KLHL29: variants seen among roughly 807,000 people sequenced by gnomAD.
KLHL29 encodes the protein kelch like family member 29.
KLHL29 carries 21 observed loss-of-function variants against 80.4 expected under a neutral mutation model. The ratio of observed to expected loss-of-function variants is 0.26; its 90% CI spans 0.19 to 0.38. The LOEUF is 0.38. Ranked by LOEUF, KLHL29 falls within the 10% of genes least tolerant of loss-of-function variation. The pLI is 1.00. For synonymous variants in KLHL29, 511 were observed against 526.8 expected (o/e 0.97, Z 0.41); for missense variants, 867 against 1,223.9 (o/e 0.71, Z 4.35).
At chr2:23,657,071 T>C (rs996841019) in intron 5 of KLHL29, among the ~76,000 whole-genome samples, 4 of 152,186 alleles carry the variant, frequency 2.6e-5, no homozygotes, top group Non-Finnish European at 4.4e-5. Flanking sequence ...AAATGGGGGT[T>C]TGGGGAGTAG....
At chr2:23,683,710 C>T (rs1572493290) in intron 5 of KLHL29, among the ~76,000 whole-genome samples, 1 of 152,184 alleles carries the variant, frequency 6.6e-6, no homozygotes, top group Non-Finnish European at 1.5e-5. Context: ...ATGTCAAAGC[C>T]CCAGGAGAGG....
chr2:23,686,664 G>C (rs1472953378), intron 6 of KLHL29, among the ~76,000 whole-genome samples: 2 of 152,160 alleles, frequency 1.3e-5, no homozygotes, highest in Non-Finnish European at 2.9e-5. Context: ...CTGGGGAGAT[G>C]AGCAGTTGAC....
At chr2:23,659,164 G>A (rs1338492368) in intron 5 of KLHL29, among the ~76,000 whole-genome samples, 4 of 152,136 alleles carry the variant, frequency 2.6e-5, no homozygotes, top group East Asian at 1.9e-4. Flanking sequence ...TTGTCATAAC[G>A]AAGGAAACCT....
intron 5 of KLHL29, among the ~76,000 whole-genome samples, chr2:23,673,178 C>T (rs924012061): frequency 2.0e-5 from 3 of 151,994 alleles, no homozygotes; most frequent in South Asian, 2.1e-4. Context: ...CACAGACACG[C>T]ACCCATGCCA....
At chr2:23,631,560 C>T (rs1051580004) in intron 3 of KLHL29, among the ~76,000 whole-genome samples, 1 of 152,190 alleles carries the variant, frequency 6.6e-6, no homozygotes, top group African/African-American at 2.4e-5. Flanking sequence ...GGGTGCAGGC[C>T]TGGGGCCAGG....
chr2:23,533,641 G>A (rs1057132397), intron 2 of KLHL29, among the ~76,000 whole-genome samples: 11 of 152,144 alleles, frequency 7.2e-5, no homozygotes, highest in African/African-American at 2.7e-4. Context: ...GCGGCGTTTG[G>A]GCTGGGTGAT....
chr2:23,691,069 T>G (rs1391995615), intron 6 of KLHL29: 4 of 154,002 alleles, frequency 2.6e-5, no homozygotes, highest in African/African-American at 9.6e-5. Flanking sequence ...TCCGTCTATC[T>G]CGTCTTGTCC....
At chr2:23,526,282 G>C (rs527435230) in intron 2 of KLHL29, among the ~76,000 whole-genome samples, 28 of 112,448 alleles carry the variant, frequency 2.5e-4, no homozygotes, top group African/African-American at 7.2e-4. Context: ...CGGAGGAAGC[G>C]TCACAGGGGA....
intron 2 of KLHL29, among the ~76,000 whole-genome samples, chr2:23,536,918 ACT>A (rs1553336407): frequency 1.4e-5 from 2 of 140,734 alleles, no homozygotes; most frequent in South Asian, 2.3e-4. Context: ...ACACACACAC[ACT>A]CTCTCTCTCC....
intron 1 of KLHL29, among the ~76,000 whole-genome samples, chr2:23,387,593 A>G (rs1052459383): frequency 1.3e-5 from 2 of 151,908 alleles, no homozygotes; most frequent in Admixed American, 6.6e-5. Flanking sequence ...AGGGAGGAGA[A>G]TGAACAATTT....
At position 23,681,074 on chromosome 2, in the gene KLHL29, C is replaced by A. The variant is rs1395254871; in HGVS notation, c.941-3325C>A. Among the ~76,000 whole-genome samples the A allele has an allele frequency of 6.6e-6, 1 of 152,224 alleles. No homozygotes were observed. The highest frequency in any genetic ancestry group is 1.9e-4 in the East Asian group (1 of 5,186). ...GAGGGCAGCCTGTGCCCAGCGGGTC[C>A]TGGTGTCCCCTTGTGGATTCTGGGT... On this transcript the variant is annotated intron_variant, in intron 5 of 13. Transcript: ENST00000486442. The surrounding 1 kb of genome is among the most constrained non-coding windows in gnomAD (Gnocchi z 4.2).
chr2:23,661,421 G>A (rs1052819748), intron 5 of KLHL29, among the ~76,000 whole-genome samples: 11 of 151,424 alleles, frequency 7.3e-5, no homozygotes, highest in Admixed American at 3.9e-4. Flanking sequence ...CTGACAAGGC[G>A]CCAGCTGTAT....
intron 5 of KLHL29, among the ~76,000 whole-genome samples, chr2:23,650,063 G>A (rs1037978942): frequency 9.2e-5 from 14 of 152,242 alleles, no homozygotes; most frequent in Non-Finnish European, 5.9e-5. Context: ...AACAGGCAGG[G>A]TGCCAACTGC....
intron 6 of KLHL29, among the ~76,000 whole-genome samples, chr2:23,686,534 G>A (rs1303721379): frequency 6.6e-6 from 1 of 152,158 alleles, no homozygotes; most frequent in Non-Finnish European, 1.5e-5. Context: ...AGGATGGGCA[G>A]GACCAGGACG....
chr2:23,567,388 G>T (rs1667613029), intron 3 of KLHL29, among the ~76,000 whole-genome samples: 1 of 152,196 alleles, frequency 6.6e-6, no homozygotes, highest in South Asian at 2.1e-4. Flanking sequence ...AAATCTAGCT[G>T]GGAAGCAGAG....
At chr2:23,584,644 C>A (rs1044008995) in intron 3 of KLHL29, among the ~76,000 whole-genome samples, 1 of 152,126 alleles carries the variant, frequency 6.6e-6, no homozygotes, top group Non-Finnish European at 1.5e-5. Context: ...GAGGCTGGGG[C>A]GGAGGGGGGC....
intron 2 of KLHL29, among the ~76,000 whole-genome samples, chr2:23,553,507 G>A (rs1358896487): frequency 6.6e-6 from 1 of 152,158 alleles, no homozygotes; most frequent in Non-Finnish European, 1.5e-5. Flanking sequence ...CCTACACGTG[G>A]CCCCTGCAAA....
At chr2:23,690,228 G>A (rs981391901) in intron 6 of KLHL29, 9 of 152,258 alleles carry the variant, frequency 5.9e-5, no homozygotes, top group Admixed American at 3.3e-4. Context: ...GAGTCTCGTG[G>A]GAAGGGCATT....
Position 23,653,851 on chromosome 2 carries a change from G to A in KLHL29, c.940+11001G>A, listed in dbSNP as rs1403343002. ...TGTGGTGACAGTGGTTTTCAAAAAC[G>A]ACTCTTATATCCTGGTTAAATTGCC... On this transcript the variant is annotated intron_variant, in intron 5 of 13. Coordinates refer to ENST00000486442, the MANE Select transcript of KLHL29 (RefSeq NM_052920.2). Among the ~76,000 whole-genome samples the A allele has an allele frequency of 2.6e-5, 4 of 152,084 alleles. No individual in the cohort carries two copies. In the South Asian group the frequency reaches 6.2e-4, roughly 24 times the overall value.
Sources: allele counts gnomAD v4.1 joint callset (sites outside exome capture counted in the v4.1 genomes callset), GRCh38; gene constraint gnomAD v4.1.1; non-coding constraint Gnocchi (gnomAD v3.1); transcripts MANE v1.5; gene names NCBI Gene and HGNC (gene_info 2026-07-23, HGNC 2026-07-21).